Variants in NCKAP5 observed in about 807,000 individuals in gnomAD.
NCKAP5 encodes the protein nck-associated protein 5.
Under a neutral mutation model 167.0 loss-of-function variants are expected in NCKAP5, and 92 were observed. The ratio of observed to expected loss-of-function variants is 0.55; its 90% CI spans 0.47 to 0.66. NCKAP5 has a LOEUF of 0.66. Among genes scored for constraint, NCKAP5 ranks in the 30% least tolerant of loss-of-function variants. NCKAP5 has a pLI of 0.00. For missense variants in NCKAP5, 2,378 were observed against 2,315.0 expected (o/e 1.03, Z -0.56); for synonymous variants, 891 against 877.4 (o/e 1.02, Z -0.27).
chr2:133,430,587 A>G (rs142031367), intron 3 of NCKAP5, among the ~76,000 whole-genome samples: 134 of 152,262 alleles, frequency 8.8e-4, no homozygotes, highest in African/African-American at 3.1e-3. Flanking sequence ...ATTCTTCTGC[A>G]TATACTTAGC....
intron 4 of NCKAP5, among the ~76,000 whole-genome samples, chr2:133,224,063 T>A (rs1180907072): frequency 6.6e-6 from 1 of 152,212 alleles, no homozygotes; most frequent in Non-Finnish European, 1.5e-5. Flanking sequence ...CTGGAGCTCC[T>A]GGAAAATAAA....
At chr2:132,870,569 CAA>C (rs1273137357) in intron 9 of NCKAP5, among the ~76,000 whole-genome samples, 3 of 151,880 alleles carry the variant, frequency 2.0e-5, no homozygotes, top group Non-Finnish European at 2.9e-5. Context: ...AGTGAGTTGG[CAA>C]AAACACAATT....
intron 5 of NCKAP5, among the ~76,000 whole-genome samples, chr2:133,154,566 A>G (rs2083503750): frequency 6.6e-6 from 1 of 152,234 alleles, no homozygotes; most frequent in Admixed American, 6.5e-5. Flanking sequence ...TGCTGCTTCT[A>G]TAACTTACCA....
chr2:133,475,067 C>T (rs1422460454), intron 3 of NCKAP5, among the ~76,000 whole-genome samples: 2 of 152,168 alleles, frequency 1.3e-5, no homozygotes, highest in Admixed American at 6.5e-5. Context: ...CCTCAGCCTC[C>T]CAAAGTGCTG....
chr2:132,949,092 C>G (rs867428233), intron 8 of NCKAP5, among the ~76,000 whole-genome samples: 35 of 114,378 alleles, frequency 3.1e-4, no homozygotes, highest in African/African-American at 1.1e-3. Context: ...CCCCACCCTG[C>G]CCCATCCAGG....
At chr2:133,452,201 T>A (rs1419157643) in intron 3 of NCKAP5, among the ~76,000 whole-genome samples, 4 of 152,110 alleles carry the variant, frequency 2.6e-5, no homozygotes, top group African/African-American at 9.7e-5. Flanking sequence ...TTGAGAGAAA[T>A]GTTTCCCATG....
intron 4 of NCKAP5, among the ~76,000 whole-genome samples, chr2:133,232,764 T>C (rs6756852): frequency 0.21 from 32,480 of 152,110 alleles, 4,564 homozygotes; most frequent in African/African-American, 0.4. Flanking sequence ...GCTAAGCCCC[T>C]ACTGCACAAG....
chr2:133,280,886 A>G (rs1157392244), intron 4 of NCKAP5, among the ~76,000 whole-genome samples: 2 of 152,200 alleles, frequency 1.3e-5, no homozygotes, highest in Non-Finnish European at 2.9e-5. Context: ...AATATTTACT[A>G]TGTGGTCCTT....
chr2:133,573,166 G>A (rs1032312602), upstream of NCKAP5, among the ~76,000 whole-genome samples: 3 of 152,178 alleles, frequency 2.0e-5, no homozygotes, highest in Admixed American at 6.5e-5. Flanking sequence ...CAGATGTTAT[G>A]GTAGCCCTCT....
At chr2:133,643,723 A>C in the NCKAP5 span, among the ~76,000 whole-genome samples, 2 of 152,134 alleles carry the variant, frequency 1.3e-5, no homozygotes, top group African/African-American at 2.4e-5. Context: ...TGTGGTACCC[A>C]AAACCCTCCT....
Position 132,753,986 on chromosome 2 carries a change from T to C in NCKAP5, c.5128+19830A>G, listed in dbSNP as rs184803813. 2.1e-3 allele frequency among the ~76,000 whole-genome samples: 322 copies of C among 152,284 alleles called. 1 individual carries two copies. The highest frequency in any genetic ancestry group is 7.5e-3 in the African/African-American group (312 of 41,564). On this transcript the variant is annotated intron_variant, in intron 16 of 19. Transcript: ENST00000409261. ...CTCATTCCTCAGGTGAGAAAACTCT[T>C]GAGACTCGCATTCTATACTCCAGCA...
At chr2:133,056,835 T>C (rs560071215) in intron 6 of NCKAP5, among the ~76,000 whole-genome samples, 2 of 152,382 alleles carry the variant, frequency 1.3e-5, no homozygotes, top group South Asian at 4.1e-4. Context: ...AGCTCCAAAG[T>C]TGAAGCACGC....
At chr2:133,349,878 T>C (rs1029977146) in intron 3 of NCKAP5, among the ~76,000 whole-genome samples, 9 of 152,232 alleles carry the variant, frequency 5.9e-5, no homozygotes, top group Non-Finnish European at 8.8e-5. Flanking sequence ...CTATCTCTTA[T>C]CTACTTTCAG....
Position 132,732,066 on chromosome 2 carries a change from C to CAG in NCKAP5, c.5129-17_5129-16dup, listed in dbSNP as rs941559353. The CAG allele has an allele frequency of 8.1e-6, 13 of 1,595,686 alleles. No homozygotes were observed. In the Admixed American group the frequency reaches 2.1e-4, roughly 25 times the overall value. On this transcript the variant is annotated splice_polypyrimidine_tract_variant and intron_variant, in intron 16 of 19. Coordinates refer to ENST00000409261, the MANE Select transcript of NCKAP5 (RefSeq NM_207363.3). ...GCAGTTGGATTCTGAGATAGAGAGA[C>CAG]AGAGAGAGAAGGGAATAGAGAAGGC...
intron 9 of NCKAP5, among the ~76,000 whole-genome samples, chr2:132,871,138 A>T (rs1007826816): frequency 6.6e-6 from 1 of 152,202 alleles, no homozygotes; most frequent in Non-Finnish European, 1.5e-5. Context: ...CTGAGGCCAT[A>T]TGTTCCTTTA....
chr2:133,125,073 A>C (rs1376627264), intron 6 of NCKAP5, among the ~76,000 whole-genome samples: 3 of 150,888 alleles, frequency 2.0e-5, no homozygotes, highest in Non-Finnish European at 4.4e-5. Context: ...ATCATCATCT[A>C]CAAGTTGATT....
chr2:133,285,033 T>C (rs2090058243), intron 4 of NCKAP5, among the ~76,000 whole-genome samples: 1 of 152,032 alleles, frequency 6.6e-6, no homozygotes, highest in Non-Finnish European at 1.5e-5. Context: ...AGCCCAGGAG[T>C]GTCAGAAACC....
intron 6 of NCKAP5, among the ~76,000 whole-genome samples, chr2:133,011,294 C>CAATA (rs2078152294): frequency 6.6e-6 from 1 of 152,164 alleles, no homozygotes; most frequent in Admixed American, 6.5e-5. Flanking sequence ...TTGATAAAGA[C>CAATA]AATAGTACCT....
chr2:133,352,421 G>C (rs1291710726), intron 3 of NCKAP5, among the ~76,000 whole-genome samples: 2 of 152,202 alleles, frequency 1.3e-5, no homozygotes, highest in Admixed American at 1.3e-4. Context: ...AAATGCAGGA[G>C]GCATCATTGC....
Sources: allele counts gnomAD v4.1 joint callset (sites outside exome capture counted in the v4.1 genomes callset), GRCh38; gene constraint gnomAD v4.1.1; transcripts MANE v1.5; gene names NCBI Gene and HGNC (gene_info 2026-07-23, HGNC 2026-07-21).